The following STOX2 variants were observed in gnomAD, a reference collection of about 807,000 sequenced individuals.
STOX2 encodes storkhead-box protein 2.
STOX2 carries 28 observed loss-of-function variants against 60.9 expected under a neutral mutation model. That is an observed-to-expected ratio of 0.46 (90% CI 0.34 to 0.63). The LOEUF is 0.63. STOX2 is among the 30% of genes least tolerant of loss of function. STOX2 has a pLI of 0.01. For missense variants in STOX2, 1,024 were observed against 1,187.7 expected (o/e 0.86, Z 2.03); for synonymous variants, 472 against 463.9 (o/e 1.02, Z -0.22).
chr4:183,999,078 GAACA>G (rs887141400), intron 1 of STOX2, among the ~76,000 whole-genome samples: 16 of 151,866 alleles, frequency 1.1e-4, no homozygotes, highest in African/African-American at 3.9e-4. Flanking sequence ...AAAAACAAAT[GAACA>G]AACAAAAAAA....
At chr4:183,818,718 C>T (rs551261092) in intron 1 of STOX2, among the ~76,000 whole-genome samples, 2 of 147,590 alleles carry the variant, frequency 1.4e-5, no homozygotes, top group Non-Finnish European at 3.0e-5. Flanking sequence ...GCCGGCTGGG[C>T]GGGGGCTGAC....
At chr4:183,978,017 G>C (rs1268925029) in intron 1 of STOX2, among the ~76,000 whole-genome samples, 1 of 152,160 alleles carries the variant, frequency 6.6e-6, no homozygotes, top group African/African-American at 2.4e-5. Context: ...TGGATGCATA[G>C]TTTGCAAATA....
chr4:183,875,455 C>T (rs1210696864), intron 1 of STOX2, among the ~76,000 whole-genome samples: 2 of 152,118 alleles, frequency 1.3e-5, no homozygotes, highest in African/African-American at 2.4e-5. Flanking sequence ...TTGCCCCAGG[C>T]GAAGCCTCCC....
intron 1 of STOX2, among the ~76,000 whole-genome samples, chr4:183,862,278 C>T (rs1456684850): frequency 2.0e-5 from 3 of 152,134 alleles, no homozygotes; most frequent in African/African-American, 4.8e-5. Context: ...TGGGTACAAG[C>T]GATTCTCCTG....
At position 183,993,304 on chromosome 4, in the gene STOX2, A is replaced by G. The variant is rs146281849; in HGVS notation, c.167-8021A>G. On this transcript the variant is annotated intron_variant, in intron 1 of 3. Coordinates refer to ENST00000308497, the MANE Select transcript of STOX2 (RefSeq NM_020225.3). ...AGCTTCTTCTGTAGACCAATGAGCC[A>G]ATTAATTCGTTACTTCACATAGTGG... 1.6e-3 allele frequency among the ~76,000 whole-genome samples: 245 copies of G among 152,352 alleles called. 1 individual carries two copies. The highest frequency in any genetic ancestry group is 2.7e-3 in the Non-Finnish European group (185 of 68,030).
intron 1 of STOX2, among the ~76,000 whole-genome samples, chr4:183,968,755 G>C (rs1263065740): frequency 4.6e-5 from 7 of 151,910 alleles, no homozygotes; most frequent in African/African-American, 1.5e-4. Flanking sequence ...GGTTGCGGCA[G>C]GGGGGCGGGG....
chr4:183,880,357 T>G (rs1740931529), intron 1 of STOX2, among the ~76,000 whole-genome samples: 1 of 152,120 alleles, frequency 6.6e-6, no homozygotes, highest in African/African-American at 2.4e-5. Context: ...AAGTCTTCTT[T>G]TTCAGTTATT....
chr4:183,950,977 A>G (rs868609228), intron 1 of STOX2, among the ~76,000 whole-genome samples: 1 of 152,122 alleles, frequency 6.6e-6, no homozygotes, highest in South Asian at 2.1e-4. Flanking sequence ...GCACTTTGGG[A>G]GGCCGAGGCG....
At chr4:183,893,931 C>A (rs544131260) in intron 1 of STOX2, among the ~76,000 whole-genome samples, 1 of 152,318 alleles carries the variant, frequency 6.6e-6, no homozygotes, top group East Asian at 1.9e-4. Context: ...TCAGGTGGAT[C>A]CCTTGAGCCC....
intron 1 of STOX2, among the ~76,000 whole-genome samples, chr4:183,833,189 A>C (rs1352613117): frequency 1.3e-5 from 2 of 152,190 alleles, no homozygotes; most frequent in Non-Finnish European, 2.9e-5. Context: ...AACCGCTTGC[A>C]AGAAGTCAAG....
chr4:183,818,467 A>C (rs1442440503), intron 1 of STOX2, among the ~76,000 whole-genome samples: 1 of 152,246 alleles, frequency 6.6e-6, no homozygotes, highest in Non-Finnish European at 1.5e-5. Context: ...CTTAGTACAC[A>C]ACAAAATGGA....
chr4:183,969,877 C>T (rs1399975985), intron 1 of STOX2, among the ~76,000 whole-genome samples: 1 of 152,192 alleles, frequency 6.6e-6, no homozygotes, highest in African/African-American at 2.4e-5. Flanking sequence ...TCACCTCAAT[C>T]TCCCAAAGTG....
At chr4:183,948,641 C>T (rs1686112236) in intron 1 of STOX2, among the ~76,000 whole-genome samples, 1 of 137,542 alleles carries the variant, frequency 7.3e-6, no homozygotes, top group Admixed American at 8.6e-5. Context: ...AAGCGATTCT[C>T]CTGCCTCAGC....
At chr4:183,844,345 T>A (rs1025941869) in intron 1 of STOX2, among the ~76,000 whole-genome samples, 1 of 152,232 alleles carries the variant, frequency 6.6e-6, no homozygotes, top group African/African-American at 2.4e-5. Context: ...CTGACATTTG[T>A]AGCTGAGTGA....
At chr4:183,903,071 C>T (rs1020480569), upstream of STOX2, among the ~76,000 whole-genome samples, 3 of 152,212 alleles carry the variant, frequency 2.0e-5, no homozygotes, top group Non-Finnish European at 4.4e-5. Context: ...TCTCTCCCTT[C>T]GAACAGATTC....
chr4:183,995,050 G>A (rs1387904610), intron 1 of STOX2, among the ~76,000 whole-genome samples: 1 of 152,138 alleles, frequency 6.6e-6, no homozygotes, highest in African/African-American at 2.4e-5. Flanking sequence ...TTACACAGTT[G>A]TATGAGGATG....
chr4:183,807,445 C>G (rs1427763115), intron 1 of STOX2, among the ~76,000 whole-genome samples: 1 of 151,812 alleles, frequency 6.6e-6, no homozygotes, highest in Non-Finnish European at 1.5e-5. Flanking sequence ...TCCTTGCAAA[C>G]CACCTGTCAG....
At chr4:184,000,022 A>G (rs1427530190) in intron 1 of STOX2, among the ~76,000 whole-genome samples, 1 of 152,102 alleles carries the variant, frequency 6.6e-6, no homozygotes, top group African/African-American at 2.4e-5. Flanking sequence ...AACTTAACAG[A>G]CCCTGTGAGC....
At chr4:183,881,521 C>T (rs1740959700) in intron 1 of STOX2, among the ~76,000 whole-genome samples, 1 of 152,056 alleles carries the variant, frequency 6.6e-6, no homozygotes, top group Non-Finnish European at 1.5e-5. Context: ...AAGGCTTGGT[C>T]AGTGAATGGA....
Sources: allele counts gnomAD v4.1 joint callset (sites outside exome capture counted in the v4.1 genomes callset), GRCh38; gene constraint gnomAD v4.1.1; transcripts MANE v1.5; gene names NCBI Gene and HGNC (gene_info 2026-07-23, HGNC 2026-07-21).